Variants in KIAA1217 observed in about 807,000 individuals in gnomAD.
The protein encoded by KIAA1217 is KIAA1217, also known as sickle tail protein homolog.
In KIAA1217, 88 loss-of-function variants were observed where a neutral mutation model predicts 163.9. The observed-to-expected ratio is 0.54, with a 90% confidence interval of 0.45 to 0.64. The LOEUF (loss-of-function observed/expected upper bound fraction) is 0.64, where lower values mean the gene tolerates loss of function less well. KIAA1217 is among the 30% of genes least tolerant of loss of function. KIAA1217 has a pLI of 0.00. For missense variants in KIAA1217, 2,372 were observed against 2,475.0 expected, an observed-to-expected ratio of 0.96 and a Z score of 0.88; for synonymous variants, 903 against 923.1, an observed-to-expected ratio of 0.98 and a Z score of 0.39.
chr10:24,154,974 G>A (rs1307902848), intron 2 of KIAA1217, among the ~76,000 whole-genome samples: 1 of 151,588 alleles, frequency 6.6e-6, no homozygotes, highest in Admixed American at 6.6e-5. Context: ...CCAGGTGTCT[G>A]GGGAAAAGGG....
intron 1 of KIAA1217, among the ~76,000 whole-genome samples, chr10:23,815,446 C>A (rs1355267363): frequency 6.6e-6 from 1 of 152,032 alleles, no homozygotes; most frequent in Non-Finnish European, 1.5e-5. Context: ...AGATCCAGAC[C>A]ATCCTGGCTA....
Position 24,494,584 on chromosome 10 carries a change from T to C in KIAA1217, c.1764T>C (p.Ser588=). The change falls in exon 7 of 21, where the codon AGT becomes AGC. Residue 588 remains serine, a synonymous_variant. Transcript: ENST00000376454. ...CGCTTTTTAAAGGGCCCATTACAAG[T>C]TATAGCAAAGATGCGTCTAGGTAAA... is the stretch of plus-strand genomic sequence containing the variant. ...QSALFKGPIT[S]YSKDASSEKM... is the part of the protein sequence containing the mutation. 3 of 1,612,538 alleles carry C rather than the reference T, an allele frequency of 1.9e-6. No homozygotes were observed. The highest frequency in any genetic ancestry group is 2.5e-6 in the Non-Finnish European group (3 of 1,178,994).
At chr10:24,159,200 T>C (rs1171107760) in intron 2 of KIAA1217, among the ~76,000 whole-genome samples, 1 of 152,126 alleles carries the variant, frequency 6.6e-6, no homozygotes, top group East Asian at 1.9e-4. Context: ...TTATGGTGTT[T>C]TAATTTAGAT....
At position 24,448,685 on chromosome 10, in the gene KIAA1217, C is replaced by A. The variant is rs185493348; in HGVS notation, c.846+10206C>A. Among the ~76,000 whole-genome samples the A allele has an allele frequency of 5.3e-4, 80 of 152,344 alleles. 3 individuals carry two copies. The East Asian group carries it at 0.011, about 21-fold the overall frequency. On this transcript the variant is annotated intron_variant, in intron 5 of 20. Coordinates refer to ENST00000376454, the MANE Select transcript of KIAA1217 (RefSeq NM_019590.5). ...TACAGGCATGAGCCACTGTGCCTGG[C>A]CCCTTGCTTTTAGATTGAGTCGATA...
chr10:24,301,897 T>C (rs762068888), intron 2 of KIAA1217, among the ~76,000 whole-genome samples: 1 of 151,972 alleles, frequency 6.6e-6, no homozygotes, highest in Non-Finnish European at 1.5e-5. Flanking sequence ...ATACAAAAAT[T>C]AGCTGAGCGT....
intron 2 of KIAA1217, among the ~76,000 whole-genome samples, chr10:24,044,455 A>C (rs181282479): frequency 2.0e-5 from 3 of 151,944 alleles, no homozygotes; most frequent in East Asian, 1.9e-4. Context: ...GTCAGATTTT[A>C]TTTCTTTCTT....
intron 2 of KIAA1217, among the ~76,000 whole-genome samples, chr10:24,099,253 T>A (rs2062295750): frequency 6.6e-6 from 1 of 151,834 alleles, no homozygotes; most frequent in South Asian, 2.1e-4. Context: ...GTTACATATG[T>A]ATACATATGC....
At chr10:24,198,582 C>CG (rs199680617) in intron 2 of KIAA1217, among the ~76,000 whole-genome samples, 2,693 of 122,584 alleles carry the variant, frequency 0.022, 52 homozygotes, top group Middle Eastern at 0.038. Flanking sequence ...GCTCTTATCT[C>CG]GAAAAAAAAA....
intron 3 of KIAA1217, among the ~76,000 whole-genome samples, chr10:24,424,324 T>C (rs1591813215): frequency 6.6e-6 from 1 of 150,982 alleles, no homozygotes; most frequent in East Asian, 2.0e-4. Context: ...AAATGTCAGC[T>C]GGTGTTAGGT....
At chr10:24,216,314 A>G (rs1431839672) in intron 1 of KIAA1217, among the ~76,000 whole-genome samples, 1 of 152,128 alleles carries the variant, frequency 6.6e-6, no homozygotes, top group Non-Finnish European at 1.5e-5. Flanking sequence ...CCTGTGCAGC[A>G]TAGTAAGGCA....
chr10:24,077,200 TC>T (rs1280979514), intron 2 of KIAA1217, among the ~76,000 whole-genome samples: 1 of 152,110 alleles, frequency 6.6e-6, no homozygotes, highest in African/African-American at 2.4e-5. Flanking sequence ...TATTTTAAGT[TC>T]AGGGTTACAT....
intron 2 of KIAA1217, among the ~76,000 whole-genome samples, chr10:24,067,141 C>T (rs900650208): frequency 3.3e-5 from 5 of 152,214 alleles, no homozygotes; most frequent in African/African-American, 1.2e-4. Context: ...CCTCTCTCAA[C>T]TCGTCAAAGT....
At chr10:23,711,811 A>T (rs1837275400) in intron 1 of KIAA1217, among the ~76,000 whole-genome samples, 1 of 152,152 alleles carries the variant, frequency 6.6e-6, no homozygotes, top group African/African-American at 2.4e-5. Flanking sequence ...GAAGCTAATT[A>T]AGGTGTCTTA....
At chr10:23,840,455 G>A (rs572126777) in intron 1 of KIAA1217, among the ~76,000 whole-genome samples, 5 of 152,122 alleles carry the variant, frequency 3.3e-5, no homozygotes, top group Admixed American at 2.6e-4. Flanking sequence ...GTGCCTGGCC[G>A]ATTATATCTT....
At chr10:23,810,573 CTA>C (rs886504296) in intron 1 of KIAA1217, among the ~76,000 whole-genome samples, 5 of 125,590 alleles carry the variant, frequency 4.0e-5, no homozygotes, top group African/African-American at 1.5e-4. Flanking sequence ...ATAGTATAAT[CTA>C]TATATAATAT....
At chr10:23,814,385 T>C (rs1384553150) in intron 1 of KIAA1217, among the ~76,000 whole-genome samples, 3 of 152,178 alleles carry the variant, frequency 2.0e-5, no homozygotes, top group Non-Finnish European at 4.4e-5. Context: ...TCCTATTTCC[T>C]GGCTGAGTGA....
chr10:24,261,055 C>T (rs1357977789), intron 2 of KIAA1217, among the ~76,000 whole-genome samples: 4 of 152,132 alleles, frequency 2.6e-5, no homozygotes, highest in Admixed American at 6.5e-5. Flanking sequence ...TTCTAGGTAA[C>T]GATCCTCAAT....
At chr10:24,251,732 T>G (rs1354297020) in intron 2 of KIAA1217, among the ~76,000 whole-genome samples, 1 of 151,770 alleles carries the variant, frequency 6.6e-6, no homozygotes, top group Non-Finnish European at 1.5e-5. Context: ...AGGGGCACTG[T>G]GGGGAGGTGG....
At chr10:24,057,611 T>C (rs1262079623) in intron 2 of KIAA1217, among the ~76,000 whole-genome samples, 1 of 152,222 alleles carries the variant, frequency 6.6e-6, no homozygotes, top group Non-Finnish European at 1.5e-5. Flanking sequence ...TGATATCTCA[T>C]TGTGGTTTTG....
Sources: allele counts gnomAD v4.1 joint callset (sites outside exome capture counted in the v4.1 genomes callset), GRCh38; gene constraint gnomAD v4.1.1; transcripts MANE v1.5; gene names NCBI Gene and HGNC (gene_info 2026-07-23, HGNC 2026-07-21).